The following FBN1 variants were observed in gnomAD, a reference collection of about 807,000 sequenced individuals.
FBN1 encodes fibrillin 1, also known as fibrillin-1.
In FBN1, 29 loss-of-function variants were observed where a neutral mutation model predicts 365.1. The observed-to-expected ratio is 0.08, with a 90% CI of 0.06 to 0.11. The LOEUF is 0.11. FBN1 is among the 10% of genes least tolerant of loss of function. The pLI, the probability that FBN1 is intolerant of heterozygous loss-of-function variation, is 1.00. For synonymous variants in FBN1, 1,210 were observed against 1,270.5 expected (o/e 0.95, Z 1.01); for missense variants, 2,476 against 3,703.2 (o/e 0.67, Z 8.60).
At chr15:48,511,697 T>A (rs2043760551) in intron 13 of FBN1, among the ~76,000 whole-genome samples, 1 of 152,212 alleles carries the variant, frequency 6.6e-6, no homozygotes, top group South Asian at 2.1e-4. Flanking sequence ...CAAAATAATG[T>A]GAGCACGTTC....
chr15:48,442,664 G>A (rs1425220983), intron 49 of FBN1, among the ~76,000 whole-genome samples: 1 of 152,192 alleles, frequency 6.6e-6, no homozygotes, highest in Non-Finnish European at 1.5e-5. Context: ...GCTCATGCCA[G>A]TTGGCCTGAC....
chr15:48,548,993 G>C lies in FBN1; in HGVS notation c.539-11185C>G, dbSNP rs374805364. ...AAATACATCATATTCGCCATCCTGGGATTTCACTACTAATATTTAAAATTC... is the reference window on the plus strand; with the variant it reads ...AAATACATCATATTCGCCATCCTGGCATTTCACTACTAATATTTAAAATTC... On this transcript the variant is annotated intron_variant, in intron 6 of 65. Transcript: ENST00000316623. Among the ~76,000 whole-genome samples the C allele has an allele frequency of 1.0e-3, 156 of 152,332 alleles. 6 individuals carry two copies. In the South Asian group the frequency reaches 0.031, roughly 30 times the overall value.
chr15:48,475,706 T>C lies in FBN1; in HGVS notation c.3965-1056A>G, dbSNP rs189499152. Among the ~76,000 whole-genome samples the C allele has an allele frequency of 4.6e-5, 7 of 152,328 alleles. No homozygotes were observed. In the East Asian group the frequency reaches 1.2e-3, roughly 25 times the overall value. On this transcript the variant is annotated intron_variant, in intron 32 of 65. Transcript: ENST00000316623. ...ATGAAAAAGAAACTGGGCAAGTAAT[T>C]CATGTTTGCCTTTTTGTTTACTTAT...
At chr15:48,620,095 G>A (rs1289194213) in intron 2 of FBN1, among the ~76,000 whole-genome samples, 1 of 152,210 alleles carries the variant, frequency 6.6e-6, no homozygotes, top group African/African-American at 2.4e-5. Flanking sequence ...ACAAAGGGTA[G>A]TGATGAACCC....
chr15:48,576,942 C>T (rs1205606760), intron 6 of FBN1, among the ~76,000 whole-genome samples: 1 of 152,100 alleles, frequency 6.6e-6, no homozygotes, highest in Non-Finnish European at 1.5e-5. Context: ...CCATTCAATG[C>T]CTCAGCACCA....
intron 35 of FBN1, 89 bp downstream of exon 35, chr15:48,472,457 TTAAAA>T: frequency 1.5e-6 from 2 of 1,370,524 alleles, no homozygotes; most frequent in African/African-American, 1.5e-5. Context: ...ACACCTCAGT[TTAAAA>T]AAAAAAAAAA....
At chr15:48,567,866 G>A (rs868208146) in intron 6 of FBN1, among the ~76,000 whole-genome samples, 8 of 151,914 alleles carry the variant, frequency 5.3e-5, no homozygotes, top group Admixed American at 2.0e-4. Flanking sequence ...ACATAATGGC[G>A]AAATAACAAA....
chr15:48,416,868 G>A (rs533024529), intron 63 of FBN1, among the ~76,000 whole-genome samples: 1 of 152,344 alleles, frequency 6.6e-6, no homozygotes, highest in African/African-American at 2.4e-5. Flanking sequence ...CACTTCCTAT[G>A]GAAGAGAGGA....
At chr15:48,434,833 T>C in intron 53 of FBN1, 120 bp from the exon 54 acceptor site, 2 of 1,239,218 alleles carry the variant, frequency 1.6e-6, no homozygotes, top group Non-Finnish European at 2.3e-6. Flanking sequence ...AGTCTCACTT[T>C]GACATCCAGA....
chr15:48,422,126 G>T, intron 60 of FBN1, 58 bp from the exon 61 acceptor site: 1 of 1,180,902 alleles, frequency 8.5e-7, no homozygotes, highest in Non-Finnish European at 1.3e-6. Flanking sequence ...GATCAGGGAA[G>T]CTGACCCTAT....
At chr15:48,511,753 A>C (rs1015424396) in intron 13 of FBN1, among the ~76,000 whole-genome samples, 2 of 152,238 alleles carry the variant, frequency 1.3e-5, no homozygotes, top group Non-Finnish European at 2.9e-5. Flanking sequence ...CTCTTAAAGA[A>C]GGCAGTGCTT....
intron 34 of FBN1, among the ~76,000 whole-genome samples, chr15:48,473,817 A>T (rs115570051): frequency 0.018 from 2,736 of 151,870 alleles, 70 homozygotes; most frequent in African/African-American, 0.059. Flanking sequence ...CAAAAAAAAA[A>T]TAATAATAAA....
At chr15:48,486,885 G>A (rs1020628450) in intron 29 of FBN1, among the ~76,000 whole-genome samples, 190 bp downstream of exon 29, 8 of 152,012 alleles carry the variant, frequency 5.3e-5, no homozygotes, top group African/African-American at 1.2e-4. Context: ...TCCAAAGATC[G>A]TGAGCCACTA....
intron 63 of FBN1, among the ~76,000 whole-genome samples, chr15:48,417,469 TTTCC>T (rs1217106623): frequency 3.9e-4 from 13 of 33,572 alleles, no homozygotes; most frequent in East Asian, 1.2e-3. Flanking sequence ...CCTTCCTTCC[TTTCC>T]TTCCTTCCTT....
At chr15:48,473,761 T>C (rs779862788) in intron 34 of FBN1, among the ~76,000 whole-genome samples, 22 of 152,046 alleles carry the variant, frequency 1.4e-4, no homozygotes, top group Admixed American at 1.4e-3. Flanking sequence ...TACAGCAAGC[T>C]TATCCTTGTG....
At chr15:48,445,577 T>A in intron 47 of FBN1, 73 bp from the exon 48 acceptor site, 1 of 1,540,032 alleles carries the variant, frequency 6.5e-7, no homozygotes, top group Non-Finnish European at 9.0e-7. Context: ...TCAAAACTTC[T>A]AAAAGAAAAA....
intron 44 of FBN1, among the ~76,000 whole-genome samples, chr15:48,455,905 T>C (rs1373384326): frequency 2.0e-5 from 3 of 152,210 alleles, no homozygotes; most frequent in Non-Finnish European, 2.9e-5. Context: ...AATAACCCTT[T>C]CTAACATGAA....
intron 52 of FBN1, 117 bp downstream of exon 52, chr15:48,437,205 A>C (rs2141240699): frequency 8.7e-7 from 1 of 1,155,666 alleles, no homozygotes; most frequent in South Asian, 1.3e-5. Context: ...ATCTAAATGA[A>C]GGGACAAAAA....
intron 6 of FBN1, among the ~76,000 whole-genome samples, chr15:48,571,439 T>C (rs2044304639): frequency 6.6e-6 from 1 of 152,062 alleles, no homozygotes; most frequent in South Asian, 2.1e-4. Context: ...TTTCTAATCT[T>C]AAAAGCCATA....
Sources: gnomAD v4.1 joint callset for allele counts (sites outside exome capture counted in the v4.1 genomes callset) on GRCh38, gnomAD v4.1.1 for gene constraint, MANE v1.5 for transcripts, NCBI Gene and HGNC (gene_info 2026-07-23, HGNC 2026-07-21) for gene names.